The following KRIT1 variants were observed in gnomAD, a reference collection of about 807,000 sequenced individuals.
The protein encoded by KRIT1 is krev interaction trapped protein 1.
Under a neutral mutation model 95.8 loss-of-function variants are expected in KRIT1, and 45 were observed. The ratio of observed to expected loss-of-function variants is 0.47; its 90% CI spans 0.37 to 0.60. The LOEUF is 0.60. Ranked by LOEUF, KRIT1 falls within the 20% of genes least tolerant of loss-of-function variation. The pLI, the probability that KRIT1 is intolerant of heterozygous loss-of-function variation, is 0.00. For synonymous variants in KRIT1, 282 were observed against 278.8 expected (o/e 1.01, Z -0.11); for missense variants, 788 against 877.5 (o/e 0.90, Z 1.29).
chr7:92,241,220 G>A (rs999087486), intron 4 of KRIT1, 68 bp from the exon 5 acceptor site: 5 of 1,167,276 alleles, frequency 4.3e-6, no homozygotes, highest in Non-Finnish European at 6.3e-6. Flanking sequence ...ACTACAATAA[G>A]CTAGCAGTCT....
At position 92,245,855 on chromosome 7, in the gene KRIT1, A is replaced by T. The variant is rs1170099903; in HGVS notation, c.-486T>A. On this transcript the variant is annotated 5_prime_UTR_variant, in exon 1 of 19. Transcript: ENST00000394505. ...CATTCACCCCTCACCCTCTCCCGAAACTACGGGGTCCCAGGTCTTCAAAGG... is the reference window on the plus strand; with the variant it reads ...CATTCACCCCTCACCCTCTCCCGAATCTACGGGGTCCCAGGTCTTCAAAGG... 4.7e-6 allele frequency: 1 copy of T among 210,890 alleles called. No homozygotes were observed. Among genetic ancestry groups the T allele is most frequent in the Non-Finnish European group, 9.5e-6 (1 of 105,472 alleles). 13.1% of individuals were successfully genotyped at this position (210,890 alleles called of 1,614,324 possible). A position where few individuals can be genotyped will look rare whatever the true frequency, so the allele number is the denominator to read the frequency against.
rs564494212 is a variant in KRIT1, at chr7:92,203,869, G to A, written c.2026-2446C>T. On this transcript the variant is annotated intron_variant, in intron 17 of 18. Coordinates refer to ENST00000394505, the MANE Select transcript of KRIT1 (RefSeq NM_194454.3). Reference sequence around the variant, plus strand: ...TCCTTCATTTCCTTTAATGAACTTAGTACAAGAGAAATAGAAAAGTGGTTA... The same window carrying A: ...TCCTTCATTTCCTTTAATGAACTTAATACAAGAGAAATAGAAAAGTGGTTA... 5.9e-5 allele frequency: 9 copies of A among 152,312 alleles called. No homozygotes were observed. The South Asian group carries it at 1.7e-3, about 28-fold the overall frequency. 9.4% of individuals were successfully genotyped at this position (152,312 alleles called of 1,614,324 possible).
chr7:92,222,728 AAG>A, intron 13 of KRIT1, 92 bp downstream of exon 13: 1 of 761,564 alleles, frequency 1.3e-6, no homozygotes, highest in Non-Finnish European at 2.3e-6. Context: ...TTCAAAATTT[AAG>A]AGTCAAGAAT....
intron 17 of KRIT1, among the ~76,000 whole-genome samples, chr7:92,205,537 G>A (rs980245126): frequency 6.6e-6 from 1 of 152,000 alleles, no homozygotes; most frequent in Non-Finnish European, 1.5e-5. Flanking sequence ...TCAGAAGTTC[G>A]AGACCAGCCT....
Position 92,213,287 on chromosome 7 carries a change from A to G in KRIT1, c.1933T>C (p.Phe645Leu), listed in dbSNP as rs201527319. Reference protein sequence around the residue: ...YGAAFFTGQIFTKASPSNHKV... With the variant: ...YGAAFFTGQILTKASPSNHKV... ...TGATTGCTGGGGCTTGCCTTTGTAA[A>G]TATCTGTCCTGTGAAAAATGCTGCT... Residue 645 changes from phenylalanine to leucine, a missense_variant, in exon 17 of 19, where the codon TTT becomes CTT. Phe to Leu is a conservative substitution (Grantham distance 22). Around this residue, in one of 3 missense-constraint regions of KRIT1, gnomAD observed 493 missense variants for 582.3 expected, o/e 0.85. Coordinates refer to ENST00000394505, the MANE Select transcript of KRIT1 (RefSeq NM_194454.3). 7 of 1,613,540 alleles carry G rather than the reference A, an allele frequency of 4.3e-6. No individual in the cohort carries two copies. The highest frequency in any genetic ancestry group is 2.2e-5 in the East Asian group (1 of 44,832).
chr7:92,239,645 A>G (rs890885248), intron 5 of KRIT1, among the ~76,000 whole-genome samples: 2 of 151,962 alleles, frequency 1.3e-5, no homozygotes, highest in Non-Finnish European at 2.9e-5. Context: ...GAATCTGGTA[A>G]TTAGAGAAAA....
intron 17 of KRIT1, among the ~76,000 whole-genome samples, chr7:92,203,624 T>C (rs1790715167): frequency 6.6e-6 from 1 of 152,186 alleles, no homozygotes; most frequent in East Asian, 1.9e-4. Flanking sequence ...ATATGAAATG[T>C]TATATTTAAG....
rs756365172 is a variant in KRIT1 at position 92,241,122 on chromosome 7, G to C, written c.133C>G (p.Gln45Glu). 1.2e-6 allele frequency: 2 copies of C among 1,609,126 alleles called. No homozygotes were observed. The highest frequency in any genetic ancestry group is 1.7e-6 in the Non-Finnish European group (2 of 1,176,452). The change falls in exon 5 of 19, where the codon CAG becomes GAG. Residue 45 changes from glutamine to glutamate, a missense_variant. Gln to Glu is a conservative substitution (Grantham distance 29, BLOSUM62 2). Around this residue, in one of 3 missense-constraint regions of KRIT1, gnomAD observed 289 missense variants for 277.5 expected, o/e 1.04. Coordinates refer to ENST00000394505, the MANE Select transcript of KRIT1 (RefSeq NM_194454.3). The part of the protein sequence containing the change: ...ILLHEVPIEG[Q>E]KKKRKKVLLE... ...AAAACTTTCTTTCTCTTTTTTTTCT[G>C]TCCTTCAATGGGAACTTCATGCAAC... is the stretch of plus-strand genomic sequence containing the variant.
chr7:92,208,624 A>C (rs1453424648), intron 17 of KRIT1, among the ~76,000 whole-genome samples: 1 of 152,158 alleles, frequency 6.6e-6, no homozygotes, highest in Non-Finnish European at 1.5e-5. Flanking sequence ...AAAAAGATAA[A>C]TTCCTGGACA....
intron 10 of KRIT1, among the ~76,000 whole-genome samples, chr7:92,228,660 G>A (rs1192163382): frequency 6.6e-6 from 1 of 151,790 alleles, no homozygotes; most frequent in Non-Finnish European, 1.5e-5. Flanking sequence ...TTGTCATGGG[G>A]GTGTGTCGTA....
chr7:92,209,330 A>G (rs971379344), intron 17 of KRIT1, among the ~76,000 whole-genome samples: 7 of 152,142 alleles, frequency 4.6e-5, no homozygotes, highest in African/African-American at 1.7e-4. Context: ...TAATCAACAT[A>G]GTACTGGAAG....
intron 13 of KRIT1, 126 bp from the exon 14 acceptor site, chr7:92,222,179 A>T (rs777898973): frequency 2.2e-5 from 16 of 714,836 alleles, no homozygotes; most frequent in Non-Finnish European, 3.8e-5. Context: ...TAAATCTAAA[A>T]TTAACATTTT....
chr7:92,232,286 G>A (rs560929089), intron 10 of KRIT1, among the ~76,000 whole-genome samples: 4 of 152,104 alleles, frequency 2.6e-5, no homozygotes, highest in Admixed American at 1.3e-4. Flanking sequence ...CTCAAAGCAC[G>A]TTACTTGTAA....
At chr7:92,244,352 A>G (rs1244640863) in intron 2 of KRIT1, among the ~76,000 whole-genome samples, 1 of 152,212 alleles carries the variant, frequency 6.6e-6, no homozygotes, top group East Asian at 1.9e-4. Context: ...TACTTTGTCA[A>G]TACTCATCAC....
At chr7:92,229,488 A>G (rs910269660) in intron 10 of KRIT1, among the ~76,000 whole-genome samples, 1 of 152,222 alleles carries the variant, frequency 6.6e-6, no homozygotes, top group Non-Finnish European at 1.5e-5. Flanking sequence ...AAAATACATT[A>G]ATAGATACTT....
At chr7:92,227,234 G>A (rs1188761961) in intron 10 of KRIT1, among the ~76,000 whole-genome samples, 2 of 152,164 alleles carry the variant, frequency 1.3e-5, no homozygotes, top group Non-Finnish European at 2.9e-5. Context: ...ACATAATGCT[G>A]TAAAATTTAA....
At chr7:92,203,006 T>A (rs950451852) in intron 17 of KRIT1, among the ~76,000 whole-genome samples, 9 of 152,170 alleles carry the variant, frequency 5.9e-5, no homozygotes, top group African/African-American at 2.2e-4. Context: ...AACAGTCCAT[T>A]AATATGGCTT....
intron 8 of KRIT1, 60 bp from the exon 9 acceptor site, chr7:92,234,983 T>G (rs971763108): frequency 1.2e-6 from 1 of 819,412 alleles, no homozygotes; most frequent in Non-Finnish European, 2.1e-6. Flanking sequence ...AATGTTTACA[T>G]GTTTATATTT....
At chr7:92,231,929 TA>T (rs1375300261) in intron 10 of KRIT1, among the ~76,000 whole-genome samples, 3 of 152,176 alleles carry the variant, frequency 2.0e-5, no homozygotes, top group Non-Finnish European at 4.4e-5. Flanking sequence ...TTACAATATT[TA>T]TTTTTTTATT....
Sources: gnomAD v4.1 joint callset for allele counts (sites outside exome capture counted in the v4.1 genomes callset) on GRCh38, gnomAD v4.1.1 for gene constraint, gnomAD v4.1.1 regional missense constraint, MANE v1.5 for transcripts, NCBI Gene and HGNC (gene_info 2026-07-23, HGNC 2026-07-21) for gene names.